TKTL1: variants seen among roughly 807,000 people sequenced by gnomAD.
The protein encoded by TKTL1 is transketolase like 1, also known as transketolase-like protein 1.
In TKTL1, 1 loss-of-function variant was observed where a neutral mutation model predicts 39.3. That is an observed-to-expected ratio of 0.03 (90% CI 0.01 to 0.12). The LOEUF (loss-of-function observed/expected upper bound fraction) is 0.12. Among genes scored for constraint, TKTL1 ranks in the 10% least tolerant of loss-of-function variants. The probability of loss-of-function intolerance (pLI) is 1.00; values close to 1 mark genes in which losing one functional copy is unlikely to be tolerated. For missense variants in TKTL1, 575 were observed against 509.6 expected (o/e 1.13, Z -1.24); for synonymous variants, 262 against 193.8 (o/e 1.35, Z -2.92).
chrX:154,315,324 C>T lies in TKTL1; in HGVS notation c.1016C>T (p.Ala339Val), dbSNP rs200827513. 2.5e-6 allele frequency: 3 copies of T among 1,207,476 alleles called. No homozygotes were observed. Among genetic ancestry groups the T allele is most frequent in the African/African-American group, 3.5e-5 (2 of 57,134 alleles). Residue 339 changes from alanine to valine, a missense_variant, in exon 7 of 13, where the codon GCT (alanine) becomes GTT (valine). Coordinates refer to ENST00000369915, the MANE Select transcript of TKTL1 (RefSeq NM_012253.4). ...YPERFIECFM[A>V]EQNMVSVALG... ...GAGCGCTTCATCGAGTGCTTTATGG[C>T]TGAACAAAACATGGTGAGTGTGTAG...
At chrX:154,315,427 A>T in intron 7 of TKTL1, 90 bp downstream of exon 7, 1 of 987,658 alleles carries the variant, frequency 1.0e-6, no homozygotes, top group South Asian at 2.7e-5. Context: ...CTTTCCATTT[A>T]TGAAAGCAAA....
chrX:154,323,464 ATTCTTT>A, intron 9 of TKTL1, 127 bp downstream of exon 9: 1 of 812,334 alleles, frequency 1.2e-6, no homozygotes, highest in Non-Finnish European at 1.7e-6. Context: ...TGGTGATAGA[ATTCTTT>A]ACAAAAAAAA....
chrX:154,322,670 C>T (rs181960255), intron 8 of TKTL1, among the ~76,000 whole-genome samples: 85 of 111,964 alleles, frequency 7.6e-4, no homozygotes, highest in African/African-American at 2.7e-3. Flanking sequence ...ATTAAGATTT[C>T]TCTTTCACAT....
intron 7 of TKTL1, 91 bp downstream of exon 7, chrX:154,315,428 T>C: frequency 1.0e-6 from 1 of 987,836 alleles, no homozygotes; most frequent in Non-Finnish European, 1.4e-6. Context: ...TTTCCATTTA[T>C]GAAAGCAAAA....
intron 9 of TKTL1, 101 bp downstream of exon 9, chrX:154,323,438 T>C (rs1224505353): frequency 3.2e-5 from 30 of 945,221 alleles, no homozygotes; most frequent in Admixed American, 1.2e-4. Context: ...AAAAGTGATA[T>C]TCATTATAGA....
chrX:154,323,115 G>A, intron 8 of TKTL1, 92 bp from the exon 9 acceptor site: 2 of 1,104,612 alleles, frequency 1.8e-6, no homozygotes, highest in South Asian at 4.3e-5. Context: ...CGTGGCAATA[G>A]GAATAATTGC....
At chrX:154,323,120 A>G (rs2067464725) in intron 8 of TKTL1, 87 bp from the exon 9 acceptor site, 3 of 1,120,627 alleles carry the variant, frequency 2.7e-6, no homozygotes, top group Non-Finnish European at 3.6e-6. Flanking sequence ...CAATAGGAAT[A>G]ATTGCTTCTT....
intron 6 of TKTL1, among the ~76,000 whole-genome samples, chrX:154,313,285 C>G (rs1341085682): frequency 8.9e-6 from 1 of 112,367 alleles, no homozygotes; most frequent in Admixed American, 9.4e-5. Flanking sequence ...GCGGGCTGAC[C>G]TTTTGAACTT....
Position 154,315,335 on chromosome X carries a change from A to G in TKTL1, c.1027A>G (p.Met343Val), listed in dbSNP as rs782039078. The change falls in exon 7 of 13, where the codon ATG (methionine) becomes GTG (valine). Residue 343 changes from methionine to valine, a missense_variant and splice_region_variant. Transcript: ENST00000369915. ...CGAGTGCTTTATGGCTGAACAAAAC[A>G]TGGTGAGTGTGTAGTGTCTCTCAGG... is the stretch of plus-strand genomic sequence containing the variant. ...FIECFMAEQNMVSVALGCASR... is the reference protein window; with the variant it reads ...FIECFMAEQNVVSVALGCASR... 6 of 1,205,963 alleles carry G rather than the reference A, an allele frequency of 5.0e-6. No individual in the cohort carries two copies. The highest frequency in any genetic ancestry group is 1.8e-5 in the South Asian group (1 of 56,296).
intron 7 of TKTL1, among the ~76,000 whole-genome samples, chrX:154,317,997 C>G (rs1041371174): frequency 8.9e-6 from 1 of 112,028 alleles, no homozygotes; most frequent in Admixed American, 9.4e-5. Context: ...CACATGTGGC[C>G]GCTCCACACC....
chrX:154,312,788 G>C lies in TKTL1; in HGVS notation c.864+15G>C. ...TTGGTGACAAGGTAGGCAGAAAGGT[G>C]GATAATTGAATAAATCAGATACGTC... On this transcript the variant is annotated intron_variant, in intron 6 of 12. Transcript: ENST00000369915. The C allele has an allele frequency of 8.5e-7, 1 of 1,183,239 alleles. No individual in the cohort carries two copies. The highest frequency in any genetic ancestry group is 1.8e-5 in the African/African-American group (1 of 56,972).
At chrX:154,313,188 G>A (rs187050701) in intron 6 of TKTL1, among the ~76,000 whole-genome samples, 1 of 112,304 alleles carries the variant, frequency 8.9e-6, no homozygotes, top group African/African-American at 3.2e-5. Flanking sequence ...AGCTCCTGGT[G>A]TGGTGTGCCT....
chrX:154,320,910 G>A lies in TKTL1; in HGVS notation c.1183G>A (p.Val395Ile). Residue 395 changes from valine to isoleucine, a missense_variant, in exon 8 of 13, where the codon GTT (valine) becomes ATT (isoleucine). Transcript: ENST00000369915. ...TATTGGTTCCCACTGTGGGGTATCT[G>A]TTGGTAAGGGTTCTAAATGCCATCA... ...NIIGSHCGVSVGDDGASQMAL... is the reference protein window; with the variant it reads ...NIIGSHCGVSIGDDGASQMAL... The A allele has an allele frequency of 1.7e-6, 2 of 1,210,750 alleles. No individual in the cohort carries two copies. The highest frequency in any genetic ancestry group is 1.8e-5 in the South Asian group (1 of 56,966).
In TKTL1 at chrX:154,296,268, G is replaced by A. The variant is rs146587771; in HGVS notation, c.134+275G>A. On this transcript the variant is annotated intron_variant, in intron 1 of 12. Transcript: ENST00000369915. ...ACCCACGGCCAAAGTTCTGGAGGTC[G>A]CCAAGATCTCCAGTTGGGAGACAAA... Among the ~76,000 whole-genome samples, 150 of 111,403 alleles carry A rather than the reference G, an allele frequency of 1.3e-3. 2 individuals carry two copies. The East Asian group carries it at 0.027, about 20-fold the overall frequency.
intron 3 of TKTL1, among the ~76,000 whole-genome samples, chrX:154,309,713 TC>T (rs2067341489): frequency 9.0e-6 from 1 of 111,391 alleles, no homozygotes; most frequent in Admixed American, 9.5e-5. Flanking sequence ...TTTTAAAACT[TC>T]CAGCACTTTA....
At chrX:154,319,874 C>T (rs782182843) in intron 7 of TKTL1, among the ~76,000 whole-genome samples, 2 of 111,986 alleles carry the variant, frequency 1.8e-5, no homozygotes, top group Non-Finnish European at 3.8e-5. Context: ...TGTGTGTATC[C>T]GCAGAGAGGT....
chrX:154,315,976 C>G (rs946468420), intron 7 of TKTL1, among the ~76,000 whole-genome samples: 2 of 111,733 alleles, frequency 1.8e-5, no homozygotes, highest in East Asian at 2.8e-4. Context: ...AAGCTCTGCG[C>G]GTCATAGAAG....
In TKTL1 at chrX:154,330,093, G is replaced by A. The variant is rs1557172927; in HGVS notation, c.*405G>A. 2.5e-5 allele frequency: 3 copies of A among 121,446 alleles called. No homozygotes were observed. Among genetic ancestry groups the A allele is most frequent in the African/African-American group, 9.7e-5 (3 of 31,083 alleles). 10.0% of individuals were successfully genotyped at this position (121,446 alleles called of 1,213,427 possible). A position where few individuals can be genotyped will look rare whatever the true frequency, so the allele number is the denominator to read the frequency against. Reference sequence around the variant, plus strand: ...ATGAGTAAAGAAAATGTGGATTGAAGTATAGATTCCAGTAGCCTAGTTTCC... The same window carrying A: ...ATGAGTAAAGAAAATGTGGATTGAAATATAGATTCCAGTAGCCTAGTTTCC... On this transcript the variant is annotated 3_prime_UTR_variant, in exon 13 of 13. Transcript: ENST00000369915.
At chrX:154,306,951 G>GA (rs200466025) in intron 2 of TKTL1, among the ~76,000 whole-genome samples, 3,220 of 106,816 alleles carry the variant, frequency 0.03, 82 homozygotes, top group African/African-American at 0.093. Flanking sequence ...AATGAAAATT[G>GA]AAAAAAAAAT....
Sources: gnomAD v4.1 joint callset for allele counts (sites outside exome capture counted in the v4.1 genomes callset) on GRCh38, gnomAD v4.1.1 for gene constraint, MANE v1.5 for transcripts, NCBI Gene and HGNC (gene_info 2026-07-23, HGNC 2026-07-21) for gene names.